Variants in NAV2 observed in about 807,000 individuals in gnomAD.
NAV2 encodes the protein neuron navigator 2, also known as helicase, APC down-regulated 1.
Under a neutral mutation model 223.2 loss-of-function variants are expected in NAV2, and 54 were observed. The observed-to-expected ratio is 0.24, with a 90% CI of 0.19 to 0.30. The LOEUF is 0.30. NAV2 is among the 10% of genes least tolerant of loss of function. NAV2 has a pLI of 1.00. For missense variants in NAV2, 2,806 were observed against 3,147.5 expected (o/e 0.89, Z 2.60); for synonymous variants, 1,279 against 1,239.3 (o/e 1.03, Z -0.67).
chr11:19,880,316 G>C (rs1327769694), intron 5 of NAV2, among the ~76,000 whole-genome samples, 189 bp downstream of exon 5: 1 of 152,200 alleles, frequency 6.6e-6, no homozygotes, highest in African/African-American at 2.4e-5. Flanking sequence ...GTCTGGCAGA[G>C]ATGTATACTT....
At chr11:19,700,292 A>G (rs1368990510) in intron 1 of NAV2, among the ~76,000 whole-genome samples, 8 of 152,242 alleles carry the variant, frequency 5.3e-5, no homozygotes, top group Non-Finnish European at 1.5e-5. Flanking sequence ...TAACTTGTCC[A>G]AAGTAACACT....
At position 19,623,452 on chromosome 11, in the gene NAV2, C is replaced by A. The variant is rs191007956; in HGVS notation, c.76-209032C>A. ...CACATAGTCCCATATTTCTTGGAGG[C>A]TTTGTTCCCTTCTTTTTACTCTTTT... On this transcript the variant is annotated intron_variant, in intron 1 of 37. Coordinates refer to the NAV2 transcript ENST00000360655. Among the ~76,000 whole-genome samples the A allele has an allele frequency of 1.5e-3, 224 of 152,272 alleles. 1 individual carries two copies. Among genetic ancestry groups the A allele is most frequent in the African/African-American group, 5.1e-3 (212 of 41,558 alleles).
chr11:19,557,610 C>G (rs1480298037), intron 1 of NAV2, among the ~76,000 whole-genome samples: 2 of 152,226 alleles, frequency 1.3e-5, no homozygotes, highest in Non-Finnish European at 2.9e-5. Context: ...GGGGCCCTAT[C>G]AGTGCTCATG....
chr11:19,536,388 G>C (rs1021808073), intron 1 of NAV2, among the ~76,000 whole-genome samples: 1 of 152,086 alleles, frequency 6.6e-6, no homozygotes, highest in African/African-American at 2.4e-5. Flanking sequence ...TCTAAGCCCC[G>C]TATGGAAGGT....
chr11:19,774,596 G>A lies in NAV2; in HGVS notation c.268-57888G>A, dbSNP rs115948547. Among the ~76,000 whole-genome samples, 644 of 152,224 alleles carry A rather than the reference G, an allele frequency of 4.2e-3. 6 individuals are homozygous for A. Among genetic ancestry groups the A allele is most frequent in the African/African-American group, 0.014 (597 of 41,524 alleles). ...TCTTACTAGACTGTGTGTGTGCATG[G>A]TAGGGACACACACATACACACAGAG... On this transcript the variant is annotated intron_variant, in intron 1 of 37. Transcript: ENST00000349880.
chr11:19,667,482 G>T (rs541461328), intron 1 of NAV2, among the ~76,000 whole-genome samples: 19 of 152,366 alleles, frequency 1.2e-4, no homozygotes, highest in African/African-American at 4.6e-4. Context: ...TGAAGAAACA[G>T]AGTGAAGAGG....
At chr11:19,994,138 T>C (rs558831583) in intron 11 of NAV2, among the ~76,000 whole-genome samples, 1 of 152,352 alleles carries the variant, frequency 6.6e-6, no homozygotes, top group South Asian at 2.1e-4. Flanking sequence ...TTCCTGCCAG[T>C]GATGATGTGA....
In NAV2 at chr11:20,028,250, C is replaced by A. The variant is rs573293463; in HGVS notation, c.2769-7709C>A. ...GGTTGTTAAAATTGTGCTTTAAGCC[C>A]TCTGAGTGGCATTTGGATTCCTGAC... On this transcript the variant is annotated intron_variant, in intron 11 of 37. Transcript: ENST00000349880. Among the ~76,000 whole-genome samples the A allele has an allele frequency of 1.2e-4, 18 of 152,256 alleles. No homozygotes were observed. The South Asian group carries it at 3.7e-3, about 32-fold the overall frequency.
intron 29 of NAV2, among the ~76,000 whole-genome samples, chr11:20,094,866 G>A (rs111417174): frequency 2.2e-4 from 33 of 152,182 alleles, no homozygotes; most frequent in African/African-American, 7.7e-4. Flanking sequence ...ACCCAACCAC[G>A]CTCCTGACTC....
chr11:20,018,708 G>T (rs1475568170), intron 11 of NAV2, among the ~76,000 whole-genome samples: 1 of 152,304 alleles, frequency 6.6e-6, no homozygotes, highest in African/African-American at 2.4e-5. Context: ...CAGTACACCT[G>T]TGCTCGAGGA....
chr11:20,050,315 C>T (rs1361284868), intron 16 of NAV2, among the ~76,000 whole-genome samples: 1 of 152,182 alleles, frequency 6.6e-6, no homozygotes, highest in African/African-American at 2.4e-5. Flanking sequence ...CTACCCCTCC[C>T]CATGCAGCTG....
At chr11:19,409,459 C>G (rs998220838) in intron 1 of NAV2, among the ~76,000 whole-genome samples, 6 of 152,172 alleles carry the variant, frequency 3.9e-5, no homozygotes, top group Non-Finnish European at 8.8e-5. Flanking sequence ...GCTCTCTCTT[C>G]TCCTTCCATC....
chr11:19,807,224 A>G (rs1428249831), intron 1 of NAV2, among the ~76,000 whole-genome samples: 1 of 152,228 alleles, frequency 6.6e-6, no homozygotes, highest in African/African-American at 2.4e-5. Context: ...GTTTCACATG[A>G]CAAATTAGAA....
At chr11:20,084,288 A>G (rs2060277765) in intron 26 of NAV2, among the ~76,000 whole-genome samples, 1 of 152,122 alleles carries the variant, frequency 6.6e-6, no homozygotes, top group African/African-American at 2.4e-5. Context: ...AGTAGAGACG[A>G]GGTTTCACCG....
chr11:19,584,301 C>T (rs1341946963), intron 1 of NAV2, among the ~76,000 whole-genome samples: 2 of 152,016 alleles, frequency 1.3e-5, no homozygotes, highest in African/African-American at 2.4e-5. Context: ...AGCGGTCTAT[C>T]GATTTTATTG....
intron 1 of NAV2, among the ~76,000 whole-genome samples, chr11:19,616,829 G>A (rs1324884973): frequency 6.6e-6 from 1 of 152,142 alleles, no homozygotes; most frequent in Admixed American, 6.5e-5. Flanking sequence ...ATGCTGAATT[G>A]AGGCTGAGGG....
At chr11:19,433,035 G>C (rs923832058) in intron 1 of NAV2, among the ~76,000 whole-genome samples, 7 of 152,282 alleles carry the variant, frequency 4.6e-5, no homozygotes, top group Admixed American at 4.6e-4. Flanking sequence ...ACATTGACAA[G>C]CTGGAGTATG....
chr11:19,523,937 C>A (rs1183121042), intron 1 of NAV2, among the ~76,000 whole-genome samples: 1 of 152,214 alleles, frequency 6.6e-6, no homozygotes, highest in Non-Finnish European at 1.5e-5. Flanking sequence ...CCCTGGGTAG[C>A]TTCTGGTCTT....
At chr11:19,825,803 G>T (rs950561787) in intron 1 of NAV2, among the ~76,000 whole-genome samples, 3 of 152,108 alleles carry the variant, frequency 2.0e-5, no homozygotes, top group African/African-American at 7.2e-5. Context: ...GTTCTCTTTT[G>T]GATTTCAGCC....
Sources: allele counts gnomAD v4.1 joint callset (sites outside exome capture counted in the v4.1 genomes callset), GRCh38; gene constraint gnomAD v4.1.1; transcripts MANE v1.5; gene names NCBI Gene and HGNC (gene_info 2026-07-23, HGNC 2026-07-21).